Variants in PIK3R6 observed in about 807,000 individuals in gnomAD.
PIK3R6 encodes phosphoinositide-3-kinase regulatory subunit 6.
PIK3R6 carries 91 observed loss-of-function variants against 84.9 expected under a neutral mutation model. That is an observed-to-expected ratio of 1.07 (90% CI 0.90 to 1.28). The LOEUF is 1.28. Among genes scored for constraint, PIK3R6 ranks in the 50% most tolerant of loss-of-function variants. PIK3R6 has a pLI of 0.00. For missense variants in PIK3R6, 996 were observed against 985.1 expected, an observed-to-expected ratio of 1.01 and a Z score of -0.15; for synonymous variants, 416 against 411.4, an observed-to-expected ratio of 1.01 and a Z score of -0.13.
chr17:8,806,025 T>C (rs1217620474), intron 18 of PIK3R6, among the ~76,000 whole-genome samples: 3 of 151,904 alleles, frequency 2.0e-5, no homozygotes, highest in Non-Finnish European at 4.4e-5. Flanking sequence ...TGGAACCTAG[T>C]AGGCACTGAC....
intron 18 of PIK3R6, among the ~76,000 whole-genome samples, chr17:8,812,632 T>C (rs541462315): frequency 6.6e-6 from 1 of 152,250 alleles, no homozygotes; most frequent in Non-Finnish European, 1.5e-5. Flanking sequence ...ACATGAGAAT[T>C]AAATAATTTG....
chr17:8,823,357 G>T (rs1374154565), intron 14 of PIK3R6, 30 bp downstream of exon 14: 7 of 1,496,712 alleles, frequency 4.7e-6, no homozygotes, highest in Non-Finnish European at 6.5e-6. Flanking sequence ...GGGTCCTGGG[G>T]TCCCTTGGAG....
At chr17:8,865,741 C>T (rs1046904995) in intron 1 of PIK3R6, among the ~76,000 whole-genome samples, 6 of 151,974 alleles carry the variant, frequency 3.9e-5, no homozygotes, top group Admixed American at 3.9e-4. Context: ...AGGTCTACTT[C>T]TCAGATTCCC....
rs1163043297 is a variant in PIK3R6 at position 8,823,013 on chromosome 17, T to A, written c.1700A>T (p.Asp567Val). The part of the protein sequence containing the change: ...FLIELKVKIQ[D>V]SKFPKDGFSP... ...ATGCTTACCTTTGGGGAATTTAGAA[T>A]CTTGGATCTTCACCTTCAGTTCAAT... is the stretch of plus-strand genomic sequence containing the variant. Residue 567 changes from aspartate to valine, a missense_variant, in exon 15 of 20, where the codon GAT becomes GTT. Asp to Val is a radical substitution (Grantham distance 152). Coordinates refer to ENST00000619866, the MANE Select transcript of PIK3R6 (RefSeq NM_001010855.4). 6.2e-7 allele frequency: 1 copy of A among 1,607,882 alleles called. No homozygotes were observed. Among genetic ancestry groups the A allele is most frequent in the Non-Finnish European group, 8.5e-7 (1 of 1,174,390 alleles).
rs377543430 is a variant in PIK3R6, at chr17:8,839,272, A to G, written c.97+342T>C. 1.2e-4 allele frequency among the ~76,000 whole-genome samples: 19 copies of G among 152,034 alleles called. No individual in the cohort carries two copies. Among genetic ancestry groups the G allele is most frequent in the East Asian group, 5.8e-4 (3 of 5,180 alleles). On this transcript the variant is annotated intron_variant, in intron 3 of 19. Coordinates refer to ENST00000619866, the MANE Select transcript of PIK3R6 (RefSeq NM_001010855.4). This position sits in a 1 kb window ranked among gnomAD's most constrained non-coding sequence, Gnocchi z 4.2. ...CTGAGGCAGGAGGATCGCTTGAACCAGGGAGGCAGAGGTTGTGGTGAGCCG... is the reference window on the plus strand; with the variant it reads ...CTGAGGCAGGAGGATCGCTTGAACCGGGGAGGCAGAGGTTGTGGTGAGCCG...
chr17:8,829,469 GACACACACTCATGCACGCATACAC>G (rs2088119695), intron 10 of PIK3R6, among the ~76,000 whole-genome samples: 1 of 124,956 alleles, frequency 8.0e-6, no homozygotes, highest in East Asian at 2.3e-4. Context: ...CACATACACT[GACACACACTCATGCACGCATACAC>G]ACACACTGAC....
intron 18 of PIK3R6, among the ~76,000 whole-genome samples, chr17:8,813,250 T>C (rs2087414020): frequency 6.6e-6 from 1 of 150,708 alleles, no homozygotes; most frequent in Admixed American, 6.7e-5. Context: ...ATTGAATTAG[T>C]AATAAAAAAA....
intron 5 of PIK3R6, among the ~76,000 whole-genome samples, chr17:8,837,233 C>A (rs1024481252): frequency 2.0e-5 from 3 of 152,194 alleles, no homozygotes; most frequent in African/African-American, 4.8e-5. Flanking sequence ...GAAGCACATT[C>A]CTGCGGTTCT....
chr17:8,828,632 G>C lies in PIK3R6; in HGVS notation c.1248C>G (p.Ala416=). Residue 416 remains alanine, a synonymous_variant, in exon 11 of 20, where the codon GCC becomes GCG. Transcript: ENST00000619866. ...MLPGVSRLHT[A]RVLVLGDDRM... ...TGTCATCTCCGAGCACAAGTACCCG[G>C]GCTGTGTGCAGCCGGGACACGCCGG... The C allele has an allele frequency of 1.9e-6, 3 of 1,613,456 alleles. No individual in the cohort carries two copies. Among genetic ancestry groups the C allele is most frequent in the Non-Finnish European group, 2.5e-6 (3 of 1,179,704 alleles).
intron 1 of PIK3R6, among the ~76,000 whole-genome samples, chr17:8,858,514 G>A (rs539383813): frequency 2.6e-4 from 39 of 151,702 alleles, no homozygotes; most frequent in Non-Finnish European, 4.7e-4. Context: ...ACAGGGTTTC[G>A]CCATGTTAGC....
At chr17:8,856,268 C>T (rs534510253) in intron 1 of PIK3R6, among the ~76,000 whole-genome samples, 1 of 152,300 alleles carries the variant, frequency 6.6e-6, no homozygotes, top group South Asian at 2.1e-4. Context: ...CCCAGTTTCC[C>T]CCCAGTGATA....
chr17:8,835,679 C>G (rs2088432044), intron 7 of PIK3R6, among the ~76,000 whole-genome samples: 1 of 152,138 alleles, frequency 6.6e-6, no homozygotes, highest in Admixed American at 6.5e-5. Flanking sequence ...CAGCTCTAAT[C>G]CACTGTCCAC....
rs373458593 is a variant in PIK3R6, at chr17:8,837,809, G to A, written c.252C>T (p.Leu84=). Residue 84 remains leucine, a synonymous_variant, in exon 5 of 20, where the codon CTC becomes CTT. Transcript: ENST00000619866. ...ACCTCAGTCCCCAGCTCACCTTGGT[G>A]AGCACGTACATTACAGTGTGCAGCA... The part of the protein sequence containing the change: ...IPLLHTVMYV[L]TKATGITEEL... 1.2e-6 allele frequency: 2 copies of A among 1,613,422 alleles called. No homozygotes were observed. Among genetic ancestry groups the A allele is most frequent in the African/African-American group, 2.7e-5 (2 of 74,902 alleles).
chr17:8,850,760 C>A (rs549641652), intron 1 of PIK3R6, among the ~76,000 whole-genome samples: 1 of 152,036 alleles, frequency 6.6e-6, no homozygotes, highest in Non-Finnish European at 1.5e-5. Flanking sequence ...AAAGAGATAA[C>A]GAAGAGACAA....
chr17:8,843,960 G>A (rs1286878581), intron 2 of PIK3R6, among the ~76,000 whole-genome samples: 1 of 152,212 alleles, frequency 6.6e-6, no homozygotes, highest in Non-Finnish European at 1.5e-5. Context: ...GAAGAAGGTT[G>A]ATGCTTTTAA....
At chr17:8,847,769 C>T (rs2088846725) in intron 2 of PIK3R6, among the ~76,000 whole-genome samples, 1 of 151,822 alleles carries the variant, frequency 6.6e-6, no homozygotes, top group Non-Finnish European at 1.5e-5. Flanking sequence ...TGTCATTGCA[C>T]TCCAGCCTGG....
In PIK3R6 at chr17:8,839,678, C is replaced by T. The variant is rs1190455544; in HGVS notation, c.33G>A (p.Gln11=). The T allele has an allele frequency of 1.7e-5, 27 of 1,576,046 alleles. No homozygotes were observed. The highest frequency in any genetic ancestry group is 2.3e-5 in the Non-Finnish European group (27 of 1,160,278). The part of the protein sequence containing the change: MESSDVELDL[Q]RSVQAVLREL... Reference sequence around the variant, plus strand: ...CCCGGAGCACAGCCTGCACGCTCCTCTGGAGGTCCAGCTCCACATCTGGGC... The same window carrying T: ...CCCGGAGCACAGCCTGCACGCTCCTTTGGAGGTCCAGCTCCACATCTGGGC... Residue 11 remains glutamine, a synonymous_variant, in exon 3 of 20, where the codon CAG becomes CAA. Transcript: ENST00000619866. This position sits in a 1 kb window ranked among gnomAD's most constrained non-coding sequence, Gnocchi z 4.2.
At chr17:8,849,757 AC>A in intron 2 of PIK3R6, 24 bp downstream of exon 2, 1 of 1,608,748 alleles carries the variant, frequency 6.2e-7, no homozygotes, top group African/African-American at 1.3e-5. Context: ...GGCTCACTAG[AC>A]CCCTTTCCCC....
intron 2 of PIK3R6, among the ~76,000 whole-genome samples, chr17:8,843,333 T>A (rs1356622312): frequency 6.6e-6 from 1 of 152,160 alleles, no homozygotes; most frequent in Non-Finnish European, 1.5e-5. Flanking sequence ...CTTCTTCCTC[T>A]TTCTTATTCT....
Sources: gnomAD v4.1 joint callset for allele counts (sites outside exome capture counted in the v4.1 genomes callset) on GRCh38, gnomAD v4.1.1 for gene constraint, Gnocchi (gnomAD v3.1) non-coding constraint, MANE v1.5 for transcripts, NCBI Gene and HGNC (gene_info 2026-07-23, HGNC 2026-07-21) for gene names.